The following NFIC variants were observed in gnomAD, a reference collection of about 807,000 sequenced individuals.
NFIC encodes nuclear factor I C.
In NFIC, 12 loss-of-function variants were observed where a neutral mutation model predicts 54.4. That is an observed-to-expected ratio of 0.22 (90% CI 0.14 to 0.36). The LOEUF is 0.36. NFIC is among the 10% of genes least tolerant of loss of function. NFIC has a pLI of 1.00. For synonymous variants in NFIC, 322 were observed against 319.2 expected, an observed-to-expected ratio of 1.01 and a Z score of -0.09; for missense variants, 575 against 718.2, an observed-to-expected ratio of 0.80 and a Z score of 2.28.
rs1568443779 is a variant in NFIC at position 3,429,250 on chromosome 19, ATATACAC to A, written c.634+4074_634+4080del. On this transcript the variant is annotated intron_variant, in intron 3 of 10. Transcript: ENST00000443272. ...CTACCCCAAAAAAAAAAAAAAAAAT[ATATACAC>A]ACACACACACACACACACACACACA... 2.4e-4 allele frequency among the ~76,000 whole-genome samples: 11 copies of A among 45,664 alleles called. 2 individuals are homozygous for A. Among genetic ancestry groups the A allele is most frequent in the African/African-American group, 1.1e-3 (9 of 8,568 alleles). 30.0% of individuals were successfully genotyped at this position (45,664 alleles called of 152,430 possible).
In NFIC at chr19:3,369,282, C is replaced by G. The variant is rs2080955017; in HGVS notation, c.30+2616C>G. 6.6e-6 allele frequency among the ~76,000 whole-genome samples: 1 copy of G among 152,048 alleles called. No individual in the cohort carries two copies. Among genetic ancestry groups the G allele is most frequent in the African/African-American group, 2.4e-5 (1 of 41,402 alleles). ...CCAATATGTCTGTCTGTCTCTTCATCTCTGTCTCACCTTCCCTTTCTCCTC... is the reference window on the plus strand; with the variant it reads ...CCAATATGTCTGTCTGTCTCTTCATGTCTGTCTCACCTTCCCTTTCTCCTC... On this transcript the variant is annotated intron_variant, in intron 1 of 10. Transcript: ENST00000443272. The surrounding 1 kb of genome is among the most constrained non-coding windows in gnomAD (Gnocchi z 4.3).
chr19:3,390,395 C>T (rs950710684), intron 2 of NFIC, among the ~76,000 whole-genome samples: 57 of 152,156 alleles, frequency 3.7e-4, no homozygotes. Flanking sequence ...GGGTCCAGCT[C>T]CCACAGCAGA....
chr19:3,410,319 TA>T (rs1171200960), intron 2 of NFIC, among the ~76,000 whole-genome samples: 1 of 152,222 alleles, frequency 6.6e-6, no homozygotes, highest in African/African-American at 2.4e-5. Flanking sequence ...TCATCCATGC[TA>T]AATGGTGCTG....
At chr19:3,384,459 G>A (rs1374720310) in intron 2 of NFIC, among the ~76,000 whole-genome samples, 1 of 151,752 alleles carries the variant, frequency 6.6e-6, no homozygotes, top group Non-Finnish European at 1.5e-5. Flanking sequence ...CGCAATCTCG[G>A]CTCACTGCAA....
chr19:3,430,603 G>A (rs1284448331), intron 3 of NFIC, among the ~76,000 whole-genome samples: 1 of 151,832 alleles, frequency 6.6e-6, no homozygotes, highest in African/African-American at 2.4e-5. Flanking sequence ...TCCCAGCCCT[G>A]GTGCCCACGC....
At chr19:3,415,235 C>T (rs2081834558) in intron 2 of NFIC, among the ~76,000 whole-genome samples, 1 of 151,764 alleles carries the variant, frequency 6.6e-6, no homozygotes, top group African/African-American at 2.4e-5. Context: ...GCCTCAGCCT[C>T]CTGAGTAGCT....
chr19:3,461,880 C>A (rs1052419531), intron 10 of NFIC, among the ~76,000 whole-genome samples: 6 of 150,764 alleles, frequency 4.0e-5, no homozygotes, highest in Non-Finnish European at 7.4e-5. Flanking sequence ...ATGGTGAAAC[C>A]CTGTCTCTAC....
At chr19:3,397,082 A>G (rs1001115197) in intron 2 of NFIC, among the ~76,000 whole-genome samples, 3 of 152,106 alleles carry the variant, frequency 2.0e-5, no homozygotes, top group Admixed American at 1.3e-4. Flanking sequence ...TTGAGGGCTT[A>G]CCAAGTGCCT....
intron 6 of NFIC, among the ~76,000 whole-genome samples, chr19:3,437,152 G>A (rs1306960284): frequency 6.6e-6 from 1 of 152,068 alleles, no homozygotes; most frequent in African/African-American, 2.4e-5. Flanking sequence ...CGGATCACGA[G>A]GTCAGGAGAT....
At chr19:3,379,414 G>T (rs2081161322) in intron 1 of NFIC, among the ~76,000 whole-genome samples, 1 of 151,390 alleles carries the variant, frequency 6.6e-6, no homozygotes, top group Non-Finnish European at 1.5e-5. Flanking sequence ...GAATGTAGTG[G>T]CGAGCTCTCG....
intron 1 of NFIC, among the ~76,000 whole-genome samples, chr19:3,381,140 C>T (rs1454035923): frequency 1.3e-5 from 2 of 152,210 alleles, no homozygotes; most frequent in East Asian, 3.9e-4. Context: ...CCTGTCATCC[C>T]AGCACTTGGG....
chr19:3,436,542 C>G (rs540720987), intron 6 of NFIC, among the ~76,000 whole-genome samples: 1 of 150,948 alleles, frequency 6.6e-6, no homozygotes, highest in African/African-American at 2.4e-5. Flanking sequence ...GTGGCGAGAT[C>G]TTGGCTCACT....
chr19:3,375,852 A>G lies in NFIC; in HGVS notation c.31-5860A>G, dbSNP rs1045893726. ...CTGCCCATCCCGGCCTGGAAATGGGACCGAGTCCAGCCACATCCGCTGGCA... is the reference window on the plus strand; with the variant it reads ...CTGCCCATCCCGGCCTGGAAATGGGGCCGAGTCCAGCCACATCCGCTGGCA... On this transcript the variant is annotated intron_variant, in intron 1 of 10. Transcript: ENST00000443272. The surrounding 1 kb of genome is among the most constrained non-coding windows in gnomAD (Gnocchi z 4.6). 1.3e-5 allele frequency among the ~76,000 whole-genome samples: 2 copies of G among 152,092 alleles called. No individual in the cohort carries two copies. Among genetic ancestry groups the G allele is most frequent in the Admixed American group, 1.3e-4 (2 of 15,266 alleles).
At chr19:3,366,541 G>A, upstream of NFIC, 3 of 571,116 alleles carry the variant, frequency 5.3e-6, no homozygotes, top group South Asian at 2.6e-5. Flanking sequence ...GGGCGGGGGG[G>A]GGGGTTGGGG....
Position 3,464,779 on chromosome 19 carries a change from G to GC in NFIC, c.*2012dup. On this transcript the variant is annotated 3_prime_UTR_variant, in exon 11 of 11. Coordinates refer to ENST00000443272, the MANE Select transcript of NFIC (RefSeq NM_001245002.2). ...CCCAAGAGAGGTTCGCCATCCTCTG[G>GC]CCTCGAGCCCTTGGTCCCTCCGTCC... The GC allele has an allele frequency of 1.1e-6, 1 of 917,434 alleles. No individual in the cohort carries two copies. Among genetic ancestry groups the GC allele is most frequent in the African/African-American group, 1.8e-5 (1 of 55,992 alleles). 56.8% of individuals were successfully genotyped at this position (917,434 alleles called of 1,614,324 possible). A position where few individuals can be genotyped will look rare whatever the true frequency, so the allele number is the denominator to read the frequency against.
At chr19:3,461,655 G>A (rs111620192) in intron 10 of NFIC, among the ~76,000 whole-genome samples, 20,161 of 151,472 alleles carry the variant, frequency 0.13, 1,533 homozygotes, top group South Asian at 0.29. Flanking sequence ...CCCAGGAAGC[G>A]GAGGTTGTAG....
At chr19:3,368,028 T>C (rs1032986991) in intron 1 of NFIC, among the ~76,000 whole-genome samples, 2 of 151,732 alleles carry the variant, frequency 1.3e-5, no homozygotes, top group Non-Finnish European at 2.9e-5. Flanking sequence ...CTTGGGTAAG[T>C]CCCTGTCCCA....
At chr19:3,414,551 C>A (rs376888090) in intron 2 of NFIC, among the ~76,000 whole-genome samples, 1 of 151,582 alleles carries the variant, frequency 6.6e-6, no homozygotes, top group Non-Finnish European at 1.5e-5. Flanking sequence ...GCCGAGATCA[C>A]GTCACCGCAC....
Position 3,463,129 on chromosome 19 carries a change from G to T in NFIC, c.*360G>T. The T allele has an allele frequency of 2.6e-6, 3 of 1,146,294 alleles. No homozygotes were observed. Among genetic ancestry groups the T allele is most frequent in the Non-Finnish European group, 3.2e-6 (3 of 931,710 alleles). The allele number at this position is 1,146,294 out of a possible 1,614,324, so 71.0% of individuals were successfully genotyped here. ...TTCCTAAGTTATTCATCTCCTCTCC[G>T]CCTGCTGCTCGGGAAGGACAGACGC... On this transcript the variant is annotated 3_prime_UTR_variant, in exon 11 of 11. Coordinates refer to ENST00000443272, the MANE Select transcript of NFIC (RefSeq NM_001245002.2).
Sources: allele counts gnomAD v4.1 joint callset (sites outside exome capture counted in the v4.1 genomes callset), GRCh38; gene constraint gnomAD v4.1.1; non-coding constraint Gnocchi (gnomAD v3.1); transcripts MANE v1.5; gene names NCBI Gene and HGNC (gene_info 2026-07-23, HGNC 2026-07-21).